Variants in NOX4 observed in about 807,000 individuals in gnomAD.
NOX4 encodes kidney oxidase-1.
In NOX4, 69 loss-of-function variants were observed where a neutral mutation model predicts 87.6. The ratio of observed to expected loss-of-function variants is 0.79; its 90% CI spans 0.65 to 0.96. The LOEUF is 0.96. NOX4 is among the 40% of genes least tolerant of loss of function. NOX4 has a pLI of 0.00. For missense variants in NOX4, 680 were observed against 681.5 expected (o/e 1.00, Z 0.02); for synonymous variants, 275 against 238.2 (o/e 1.15, Z -1.42).
chr11:89,513,413 G>T, the NOX4 span, among the ~76,000 whole-genome samples: 1 of 151,714 alleles, frequency 6.6e-6, no homozygotes, highest in Admixed American at 6.6e-5. Flanking sequence ...AAATCTCACT[G>T]AAAACCAAAT....
At chr11:89,342,492 CATATTAGACTATATGTCTAATATAGTCAT>C (rs1340088900) in intron 13 of NOX4, among the ~76,000 whole-genome samples, 3 of 151,902 alleles carry the variant, frequency 2.0e-5, no homozygotes, top group Non-Finnish European at 4.4e-5. Flanking sequence ...AAGCTCTGAT[CATATTAGACTATATGTCTAATATAGTCAT>C]ATATTAGACT....
the NOX4 span, among the ~76,000 whole-genome samples, chr11:89,517,441 G>T: frequency 6.6e-6 from 1 of 151,778 alleles, no homozygotes; most frequent in African/African-American, 2.4e-5. Context: ...TGTACCCTTT[G>T]TTAATGCTTA....
the NOX4 span, among the ~76,000 whole-genome samples, chr11:89,560,096 T>A: frequency 6.6e-6 from 1 of 151,880 alleles, no homozygotes; most frequent in Non-Finnish European, 1.5e-5. Flanking sequence ...GTTGTCTTCA[T>A]AAGAAAAGAG....
At chr11:89,562,189 CT>C in the NOX4 span, among the ~76,000 whole-genome samples, 1 of 152,008 alleles carries the variant, frequency 6.6e-6, no homozygotes, top group Admixed American at 6.6e-5. Flanking sequence ...AAATATTCTT[CT>C]TTATAATATC....
chr11:89,494,129 G>C (rs1946921902), upstream of NOX4, among the ~76,000 whole-genome samples: 1 of 152,172 alleles, frequency 6.6e-6, no homozygotes, highest in African/African-American at 2.4e-5. Context: ...AATGGGGAGA[G>C]AGTTCTGTAG....
upstream of NOX4, among the ~76,000 whole-genome samples, chr11:89,501,125 T>G (rs372301223): frequency 6.6e-6 from 1 of 152,090 alleles, no homozygotes; most frequent in African/African-American, 2.4e-5. Context: ...TGGCTGCTAC[T>G]TGGAACTTTC....
chr11:89,388,027 C>G (rs1354485931), intron 11 of NOX4, among the ~76,000 whole-genome samples: 1 of 152,154 alleles, frequency 6.6e-6, no homozygotes, highest in African/African-American at 2.4e-5. Flanking sequence ...ACTTTGGTCA[C>G]TTCAACAGTC....
At chr11:89,451,085 G>C in intron 3 of NOX4, among the ~76,000 whole-genome samples, 1 of 114,348 alleles carries the variant, frequency 8.7e-6, no homozygotes. Context: ...AGGGGGGAGG[G>C]ATAGCATTAG....
At chr11:89,393,076 G>T (rs1370652023) in intron 11 of NOX4, among the ~76,000 whole-genome samples, 1 of 152,104 alleles carries the variant, frequency 6.6e-6, no homozygotes, top group Non-Finnish European at 1.5e-5. Flanking sequence ...GACAACTATC[G>T]ATCTAATGCG....
the NOX4 span, among the ~76,000 whole-genome samples, chr11:89,548,953 A>T: frequency 1.3e-5 from 2 of 152,182 alleles, no homozygotes; most frequent in Admixed American, 1.3e-4. Context: ...TCAAACAGGG[A>T]AAAAAGTCTC....
intron 13 of NOX4, among the ~76,000 whole-genome samples, chr11:89,354,332 A>T (rs1937821842): frequency 6.6e-6 from 1 of 152,138 alleles, no homozygotes; most frequent in African/African-American, 2.4e-5. Context: ...TTAGGGAAGG[A>T]GATGTGTTAT....
intron 9 of NOX4, among the ~76,000 whole-genome samples, 192 bp downstream of exon 9, chr11:89,402,134 C>T (rs1311798355): frequency 6.6e-6 from 1 of 152,050 alleles, no homozygotes; most frequent in Non-Finnish European, 1.5e-5. Context: ...TATATATCCT[C>T]TAATATCATA....
chr11:89,444,850 G>C (rs562951091), intron 4 of NOX4, among the ~76,000 whole-genome samples: 1 of 152,194 alleles, frequency 6.6e-6, no homozygotes, highest in African/African-American at 2.4e-5. Flanking sequence ...GGGCTCGACT[G>C]ACTTAGAGCT....
At chr11:89,568,854 A>G in the NOX4 span, among the ~76,000 whole-genome samples, 2 of 152,230 alleles carry the variant, frequency 1.3e-5, no homozygotes, top group African/African-American at 4.8e-5. Context: ...GAACCCAGGA[A>G]TAAGGTCACA....
At chr11:89,347,280 T>C (rs1286078382) in intron 13 of NOX4, among the ~76,000 whole-genome samples, 2 of 152,112 alleles carry the variant, frequency 1.3e-5, no homozygotes. Context: ...GACAGGACAA[T>C]GTATCTCTTC....
At chr11:89,478,821 A>G (rs1470634769) in intron 2 of NOX4, among the ~76,000 whole-genome samples, 1 of 152,148 alleles carries the variant, frequency 6.6e-6, no homozygotes, top group Non-Finnish European at 1.5e-5. Flanking sequence ...TTTTTTAAAA[A>G]TGTACAAAAT....
chr11:89,535,313 T>G, the NOX4 span, among the ~76,000 whole-genome samples: 1 of 152,268 alleles, frequency 6.6e-6, no homozygotes, highest in Non-Finnish European at 1.5e-5. Flanking sequence ...CCATTTGGTG[T>G]TTAGTTATTT....
intron 11 of NOX4, among the ~76,000 whole-genome samples, chr11:89,378,224 T>C (rs1462985411): frequency 6.6e-6 from 1 of 152,132 alleles, no homozygotes; most frequent in African/African-American, 2.4e-5. Context: ...TGTTTCTCCT[T>C]TTTTTACTCT....
chr11:89,578,030 T>C, the NOX4 span, among the ~76,000 whole-genome samples: 1 of 152,114 alleles, frequency 6.6e-6, no homozygotes, highest in East Asian at 1.9e-4. Flanking sequence ...TACCGTATGT[T>C]TTCTTAGGGC....
Sources: gnomAD v4.1 joint callset for allele counts (sites outside exome capture counted in the v4.1 genomes callset) on GRCh38, gnomAD v4.1.1 for gene constraint, MANE v1.5 for transcripts, NCBI Gene and HGNC (gene_info 2026-07-23, HGNC 2026-07-21) for gene names.